Variants in LIN28B observed in about 807,000 individuals in gnomAD.
LIN28B encodes lin-28 RNA binding posttranscriptional regulator B.
In LIN28B, 5 loss-of-function variants were observed where a neutral mutation model predicts 21.9. The ratio of observed to expected loss-of-function variants is 0.23; its 90% CI spans 0.12 to 0.48. The LOEUF (loss-of-function observed/expected upper bound fraction) is 0.48, where lower values mean the gene tolerates loss of function less well. Ranked by LOEUF, LIN28B falls within the 20% of genes least tolerant of loss-of-function variation. The pLI, the probability that LIN28B is intolerant of heterozygous loss-of-function variation, is 0.98. For missense variants in LIN28B, 245 were observed against 310.5 expected (o/e 0.79, Z 1.58); for synonymous variants, 109 against 111.3 (o/e 0.98, Z 0.13).
chr6:105,037,284 T>C (rs972646435), intron 3 of LIN28B, among the ~76,000 whole-genome samples: 23 of 152,300 alleles, frequency 1.5e-4, no homozygotes, highest in Admixed American at 1.4e-3. Context: ...TCACAAAGTT[T>C]TCAGCAGTCT....
chr6:104,969,954 T>A (rs1019567565), intron 2 of LIN28B, among the ~76,000 whole-genome samples: 10 of 152,192 alleles, frequency 6.6e-5, no homozygotes, highest in African/African-American at 2.4e-4. Context: ...TTTAAAAGTA[T>A]ACAGCTCTGG....
intron 3 of LIN28B, among the ~76,000 whole-genome samples, chr6:104,951,441 T>TTA (rs1418300253): frequency 2.0e-5 from 3 of 152,132 alleles, no homozygotes; most frequent in Non-Finnish European, 2.9e-5. Context: ...GATACTCTAA[T>TTA]ATCATGAAAA....
intron 2 of LIN28B, among the ~76,000 whole-genome samples, chr6:105,011,956 G>A (rs571048445): frequency 6.7e-4 from 102 of 151,916 alleles, no homozygotes; most frequent in Non-Finnish European, 1.4e-3. Context: ...TCAGGAGTTC[G>A]AGACTGGCCT....
At chr6:105,015,240 T>C (rs1241775766) in intron 2 of LIN28B, among the ~76,000 whole-genome samples, 1 of 152,220 alleles carries the variant, frequency 6.6e-6, no homozygotes, top group Non-Finnish European at 1.5e-5. Context: ...ATGATTGTTA[T>C]GCCTTCTTAA....
intron 2 of LIN28B, among the ~76,000 whole-genome samples, chr6:105,024,759 A>G (rs1338605918): frequency 6.6e-6 from 1 of 152,078 alleles, no homozygotes; most frequent in African/African-American, 2.4e-5. Flanking sequence ...TGAATTTTTG[A>G]AGTTTTGTTT....
chr6:105,040,309 T>G (rs1771606733), intron 3 of LIN28B, among the ~76,000 whole-genome samples: 1 of 152,106 alleles, frequency 6.6e-6, no homozygotes, highest in Non-Finnish European at 1.5e-5. Context: ...TACTTTCCTC[T>G]TTAAGTTTTA....
At chr6:104,997,969 A>G (rs1258179316) in intron 2 of LIN28B, among the ~76,000 whole-genome samples, 1 of 152,204 alleles carries the variant, frequency 6.6e-6, no homozygotes, top group Non-Finnish European at 1.5e-5. Context: ...TGAGGAAAAA[A>G]AGGTTTCATT....
Position 105,079,442 on chromosome 6 carries a change from C to A in LIN28B, c.*659C>A, listed in dbSNP as rs896350805. 2 of 152,528 alleles carry A rather than the reference C, an allele frequency of 1.3e-5. No homozygotes were observed. The highest frequency in any genetic ancestry group is 4.8e-5 in the African/African-American group (2 of 41,392). The allele number at this position is 152,528 out of a possible 1,614,324, so 9.4% of individuals were successfully genotyped here. On this transcript the variant is annotated 3_prime_UTR_variant, in exon 4 of 4. Transcript: ENST00000345080. ...AAGGCAGTACCTTAACTTCATATGC[C>A]TCTGACTGCCATAAGCTTTTTTGAT...
chr6:105,031,396 AT>A (rs1771420024), intron 3 of LIN28B, among the ~76,000 whole-genome samples: 1 of 151,988 alleles, frequency 6.6e-6, no homozygotes, highest in Non-Finnish European at 1.5e-5. Flanking sequence ...TAAATAATTG[AT>A]TTGGTCTGCT....
chr6:105,045,965 A>C (rs1234865121), intron 3 of LIN28B, among the ~76,000 whole-genome samples: 1 of 152,078 alleles, frequency 6.6e-6, no homozygotes, highest in Non-Finnish European at 1.5e-5. Flanking sequence ...TTTTCATATG[A>C]TATTTTTATA....
intron 2 of LIN28B, among the ~76,000 whole-genome samples, chr6:105,001,778 C>T (rs914331115): frequency 2.6e-5 from 4 of 152,092 alleles, no homozygotes; most frequent in Non-Finnish European, 4.4e-5. Context: ...GTTATGATAT[C>T]CCTAAGAATA....
chr6:105,031,885 T>G (rs1771432285), intron 3 of LIN28B, among the ~76,000 whole-genome samples: 1 of 152,098 alleles, frequency 6.6e-6, no homozygotes, highest in Non-Finnish European at 1.5e-5. Context: ...ATCATCCAGA[T>G]TCAGAAAGTT....
At chr6:104,998,187 T>C (rs928616770) in intron 2 of LIN28B, among the ~76,000 whole-genome samples, 2 of 152,200 alleles carry the variant, frequency 1.3e-5, no homozygotes, top group Non-Finnish European at 2.9e-5. Flanking sequence ...TTTCATGTTA[T>C]AAGACCCCAC....
intron 2 of LIN28B, among the ~76,000 whole-genome samples, chr6:104,966,203 A>T (rs1164240643): frequency 6.6e-6 from 1 of 152,130 alleles, no homozygotes. Flanking sequence ...AAACCATGGG[A>T]ATGAGTGTTT....
intron 2 of LIN28B, among the ~76,000 whole-genome samples, chr6:105,004,919 C>T (rs1358911532): frequency 1.3e-5 from 2 of 152,114 alleles, no homozygotes; most frequent in African/African-American, 4.8e-5. Context: ...TTGTCTCATG[C>T]TTTCCTTTAG....
intron 2 of LIN28B, among the ~76,000 whole-genome samples, chr6:104,966,208 GTGTT>G (rs1554184923): frequency 6.6e-6 from 1 of 152,172 alleles, no homozygotes; most frequent in Non-Finnish European, 1.5e-5. Flanking sequence ...ATGGGAATGA[GTGTT>G]TGGCTTCGGC....
At chr6:105,000,729 A>G (rs919307476) in intron 2 of LIN28B, among the ~76,000 whole-genome samples, 1 of 152,038 alleles carries the variant, frequency 6.6e-6, no homozygotes, top group Admixed American at 6.5e-5. Flanking sequence ...AATAATCACT[A>G]AATATAAGAT....
intron 3 of LIN28B, among the ~76,000 whole-genome samples, chr6:105,047,299 G>A (rs1177985368): frequency 6.6e-6 from 1 of 152,012 alleles, no homozygotes; most frequent in South Asian, 2.1e-4. Context: ...TCTTGTTTTT[G>A]TCAGGTTTGT....
At chr6:104,972,226 C>T (rs532771097) in intron 2 of LIN28B, among the ~76,000 whole-genome samples, 1 of 152,160 alleles carries the variant, frequency 6.6e-6, no homozygotes. Context: ...CCCACCTTGG[C>T]CTCCCAAAGT....
Sources: gnomAD v4.1 joint callset for allele counts (sites outside exome capture counted in the v4.1 genomes callset) on GRCh38, gnomAD v4.1.1 for gene constraint, MANE v1.5 for transcripts, NCBI Gene and HGNC (gene_info 2026-07-23, HGNC 2026-07-21) for gene names.